Variants in OTOGL observed in about 807,000 individuals in gnomAD.
The protein encoded by OTOGL is otogelin-like protein.
A neutral mutation model predicts 318.5 loss-of-function variants in OTOGL; 285 were observed. The ratio of observed to expected loss-of-function variants is 0.89; its 90% CI spans 0.81 to 0.99. OTOGL has a LOEUF of 0.99. Ranked by LOEUF, OTOGL falls within the 50% of genes least tolerant of loss-of-function variation. The pLI, the probability that OTOGL is intolerant of heterozygous loss-of-function variation, is 0.00. For synonymous variants in OTOGL, 987 were observed against 936.5 expected, an observed-to-expected ratio of 1.05 and a Z score of -0.99; for missense variants, 2,899 against 2,845.6, an observed-to-expected ratio of 1.02 and a Z score of -0.43.
chr12:80,265,835 G>A (rs1882914905), intron 20 of OTOGL: 1 of 152,988 alleles, frequency 6.5e-6, no homozygotes, highest in Non-Finnish European at 1.5e-5. Flanking sequence ...GGCTGGTGTT[G>A]ACGTTAATTG....
intron 20 of OTOGL, chr12:80,266,095 A>G (rs113393712): frequency 5.9e-6 from 1 of 168,172 alleles, no homozygotes; most frequent in African/African-American, 2.4e-5. Flanking sequence ...TTATTGAAAT[A>G]TAGTCATGCC....
At chr12:80,328,343 C>A (rs1324559075) in intron 35 of OTOGL, among the ~76,000 whole-genome samples, 1 of 151,670 alleles carries the variant, frequency 6.6e-6, no homozygotes, top group East Asian at 1.9e-4. Flanking sequence ...ACAACAACAA[C>A]AACAACAACA....
intron 19 of OTOGL, among the ~76,000 whole-genome samples, chr12:80,264,085 A>C (rs968907805): frequency 6.6e-6 from 1 of 152,180 alleles, no homozygotes; most frequent in Non-Finnish European, 1.5e-5. Flanking sequence ...AGTAGTGAAA[A>C]AACTGATCTC....
intron 26 of OTOGL, among the ~76,000 whole-genome samples, chr12:80,283,749 T>C (rs1467594976): frequency 6.6e-6 from 1 of 152,046 alleles, no homozygotes; most frequent in Admixed American, 6.6e-5. Context: ...CAATGTGAAG[T>C]TTTTAGAGCA....
At chr12:80,373,087 T>G (rs188942367) in intron 57 of OTOGL, among the ~76,000 whole-genome samples, 1 of 152,324 alleles carries the variant, frequency 6.6e-6, no homozygotes, top group African/African-American at 2.4e-5. Flanking sequence ...ATAGAAATTT[T>G]GAGAAAATTA....
intron 38 of OTOGL, among the ~76,000 whole-genome samples, chr12:80,334,249 T>C (rs544515163): frequency 7.6e-4 from 115 of 152,168 alleles, no homozygotes; most frequent in Non-Finnish European, 1.3e-3. Flanking sequence ...ATGTGAAGTG[T>C]GAGTAAAAGG....
At chr12:80,365,061 A>G (rs1890445824) in intron 52 of OTOGL, among the ~76,000 whole-genome samples, 1 of 152,140 alleles carries the variant, frequency 6.6e-6, no homozygotes, top group Non-Finnish European at 1.5e-5. Context: ...GTGGCAGTGT[A>G]AAATTGTGCA....
At position 80,296,970 on chromosome 12, in the gene OTOGL, AT is replaced by A; in HGVS notation, c.3063+11del. 2 of 1,530,238 alleles carry A rather than the reference AT, an allele frequency of 1.3e-6. No individual in the cohort carries two copies. The highest frequency in any genetic ancestry group is 1.2e-5 in the South Asian group (1 of 82,566). The allele number at this position is 1,530,238 out of a possible 1,614,324, so 94.8% of individuals were successfully genotyped here. A position where few individuals can be genotyped will look rare whatever the true frequency, so the allele number is the denominator to read the frequency against. On this transcript the variant is annotated intron_variant, in intron 27 of 58. Transcript: ENST00000547103. The stretch of plus-strand genomic sequence containing the variant: ...ATACTCCTTACAAACAGGTTAGTGA[AT>A]TATTTCTTTCAGGATCATTTGAACT...
chr12:80,156,978 A>G (rs1028858560), intron 1 of OTOGL, among the ~76,000 whole-genome samples: 1 of 152,142 alleles, frequency 6.6e-6, no homozygotes, highest in African/African-American at 2.4e-5. Context: ...GCTGGATCAT[A>G]GGGTAGCTCA....
At position 80,310,605 on chromosome 12, in the gene OTOGL, C is replaced by G; in HGVS notation, c.3334-6C>G. 1 of 1,559,490 alleles carries G rather than the reference C, an allele frequency of 6.4e-7. No homozygotes were observed. The highest frequency in any genetic ancestry group is 8.7e-7 in the Non-Finnish European group (1 of 1,148,042). On this transcript the variant is annotated splice_polypyrimidine_tract_variant and splice_region_variant and intron_variant, in intron 29 of 58. Coordinates refer to ENST00000547103, the MANE Select transcript of OTOGL (RefSeq NM_001378609.3). ...ACTTCTTTTCTCTCTTAAATTTTTTCAACAGTGTGAAAGTCCAGATGAAAC... is the reference window on the plus strand; with the variant it reads ...ACTTCTTTTCTCTCTTAAATTTTTTGAACAGTGTGAAAGTCCAGATGAAAC...
chr12:80,356,283 G>A, intron 47 of OTOGL, 133 bp from the exon 48 acceptor site: 1 of 687,140 alleles, frequency 1.5e-6, no homozygotes, highest in Non-Finnish European at 2.5e-6. Context: ...TAACTGCAGT[G>A]TAAAAACATG....
Position 80,239,382 on chromosome 12 carries a change from G to A in OTOGL, c.995G>A (p.Cys332Tyr). The change falls in exon 11 of 59, where the codon TGC becomes TAC. Residue 332 changes from cysteine to tyrosine, a missense_variant. Physicochemically the swap from Cys to Tyr is radical, Grantham distance 194 (BLOSUM62 -2). Coordinates refer to ENST00000547103, the MANE Select transcript of OTOGL (RefSeq NM_001378609.3). ...QILLQFPFLS[C>Y]HEYIDPYLYI... The stretch of plus-strand genomic sequence containing the variant: ...CTGTTGCAGTTTCCTTTTCTGAGCT[G>A]CCATGAGTATATCGATCCATACTTA... The A allele has an allele frequency of 6.2e-7, 1 of 1,611,072 alleles. No individual in the cohort carries two copies. The highest frequency in any genetic ancestry group is 8.5e-7 in the Non-Finnish European group (1 of 1,178,558).
chr12:80,107,672 T>A (rs547935767), intron 1 of OTOGL, among the ~76,000 whole-genome samples: 21 of 152,102 alleles, frequency 1.4e-4, no homozygotes, highest in African/African-American at 5.1e-4. Flanking sequence ...CAGCGCTGTT[T>A]ACAAAAACAA....
At chr12:80,262,423 A>G (rs562703560) in intron 19 of OTOGL, among the ~76,000 whole-genome samples, 5 of 152,242 alleles carry the variant, frequency 3.3e-5, no homozygotes, top group Admixed American at 6.5e-5. Flanking sequence ...ATACTAAAGA[A>G]AAGCCTCTAG....
rs183976798 is a variant in OTOGL, at chr12:80,379,020, G to A, written c.*972G>A. ...TTGCATACTGTTGAAGTTGAGTGCT[G>A]TTTTGCTGTTAATGCTGCTGCTTTG... On this transcript the variant is annotated 3_prime_UTR_variant, in exon 59 of 59. Coordinates refer to ENST00000547103, the MANE Select transcript of OTOGL (RefSeq NM_001378609.3). 6.6e-6 allele frequency: 1 copy of A among 152,514 alleles called. No individual in the cohort carries two copies. The highest frequency in any genetic ancestry group is 6.6e-5 in the Admixed American group (1 of 15,244). The allele number at this position is 152,514 out of a possible 1,614,324, so 9.4% of individuals were successfully genotyped here.
At chr12:80,280,245 T>G (rs1884125921) in intron 26 of OTOGL, among the ~76,000 whole-genome samples, 1 of 151,968 alleles carries the variant, frequency 6.6e-6, no homozygotes, top group Non-Finnish European at 1.5e-5. Context: ...ATTCTGTAGG[T>G]TTTCTGTTTA....
In OTOGL at chr12:80,340,364, G is replaced by A. The variant is rs150657749; in HGVS notation, c.5050+1100G>A. Among the ~76,000 whole-genome samples the A allele has an allele frequency of 1.8e-3, 268 of 152,156 alleles. 1 individual carries two copies. Among genetic ancestry groups the A allele is most frequent in the Middle Eastern group, 6.8e-3 (2 of 292 alleles). On this transcript the variant is annotated intron_variant, in intron 43 of 58. Transcript: ENST00000547103. ...TAAACATAGCATAAATTTCTATGGTGACTTAAGGTTATGATTTGGAAATAG... is the reference window on the plus strand; with the variant it reads ...TAAACATAGCATAAATTTCTATGGTAACTTAAGGTTATGATTTGGAAATAG...
intron 1 of OTOGL, among the ~76,000 whole-genome samples, chr12:80,159,565 G>A (rs1873361321): frequency 6.6e-6 from 1 of 151,896 alleles, no homozygotes; most frequent in Non-Finnish European, 1.5e-5. Context: ...AACTCTACAA[G>A]AAAAACTACA....
Position 80,269,448 on chromosome 12 carries a change from ACTTTTCTG to A in OTOGL, c.2466-650_2466-643del, listed in dbSNP as rs557848488. On this transcript the variant is annotated intron_variant, in intron 22 of 58. Coordinates refer to ENST00000547103, the MANE Select transcript of OTOGL (RefSeq NM_001378609.3). Reference sequence around the variant, plus strand: ...CAAAATGATTCAAAGCAACCATATCACTTTTCTGCTTAGGTCTTCAATGGCTCACCTCA... The same window carrying A: ...CAAAATGATTCAAAGCAACCATATCACTTAGGTCTTCAATGGCTCACCTCA... Among the ~76,000 whole-genome samples the A allele has an allele frequency of 4.5e-4, 69 of 152,266 alleles. No homozygotes were observed. In the South Asian group the frequency reaches 0.01, roughly 23 times the overall value.
Sources: allele counts gnomAD v4.1 joint callset (sites outside exome capture counted in the v4.1 genomes callset), GRCh38; gene constraint gnomAD v4.1.1; transcripts MANE v1.5; gene names NCBI Gene and HGNC (gene_info 2026-07-23, HGNC 2026-07-21).